TMEM132D: variants seen among roughly 807,000 people sequenced by gnomAD.
TMEM132D encodes the protein mature OL transmembrane protein.
A neutral mutation model predicts 62.3 loss-of-function variants in TMEM132D; 21 were observed. The ratio of observed to expected loss-of-function variants is 0.34; its 90% CI spans 0.24 to 0.49. The LOEUF (loss-of-function observed/expected upper bound fraction) is 0.49. TMEM132D is among the 20% of genes least tolerant of loss of function. TMEM132D has a pLI of 0.99. For synonymous variants in TMEM132D, 621 were observed against 575.6 expected, an observed-to-expected ratio of 1.08 and a Z score of -1.13; for missense variants, 1,346 against 1,402.8, an observed-to-expected ratio of 0.96 and a Z score of 0.65.
chr12:129,535,771 TGTGTGCGTG>T (rs757648292), intron 2 of TMEM132D, among the ~76,000 whole-genome samples: 18,611 of 66,820 alleles, frequency 0.28, 1,474 homozygotes, highest in Admixed American at 0.45. Context: ...ATTTAAGATT[TGTGTGCGTG>T]TGTGTGTGTG....
chr12:129,498,363 C>A (rs935168535), intron 3 of TMEM132D, among the ~76,000 whole-genome samples: 1 of 152,102 alleles, frequency 6.6e-6, no homozygotes, highest in African/African-American at 2.4e-5. Context: ...AAGGGATTTT[C>A]CTGCCTCAGC....
chr12:129,487,212 G>C (rs547964990), intron 3 of TMEM132D, among the ~76,000 whole-genome samples: 1 of 152,124 alleles, frequency 6.6e-6, no homozygotes, highest in Admixed American at 6.5e-5. Context: ...GAGACAAGGC[G>C]TGAAACTGTA....
At chr12:129,760,017 G>A (rs548274479) in intron 1 of TMEM132D, among the ~76,000 whole-genome samples, 1 of 151,866 alleles carries the variant, frequency 6.6e-6, no homozygotes. Context: ...GCAATCCTCT[G>A]CCTCAGCCTC....
At chr12:129,825,706 G>T (rs1043276374) in intron 1 of TMEM132D, among the ~76,000 whole-genome samples, 1 of 152,106 alleles carries the variant, frequency 6.6e-6, no homozygotes, top group Non-Finnish European at 1.5e-5. Flanking sequence ...CTGTGCCCTC[G>T]GGACGCCCAC....
intron 1 of TMEM132D, among the ~76,000 whole-genome samples, chr12:129,730,117 G>T (rs1245086264): frequency 2.6e-5 from 4 of 152,142 alleles, no homozygotes; most frequent in Admixed American, 2.0e-4. Context: ...AGCCTGTTCA[G>T]CTGGTCTCTT....
At chr12:129,817,759 G>T (rs1361812140) in intron 1 of TMEM132D, among the ~76,000 whole-genome samples, 1 of 136,662 alleles carries the variant, frequency 7.3e-6, no homozygotes, top group Non-Finnish European at 1.6e-5. Flanking sequence ...TGTGGGGTAT[G>T]TGTGTCTGTG....
intron 4 of TMEM132D, 56 bp downstream of exon 4, chr12:129,337,578 G>C (rs1421325294): frequency 2.5e-6 from 4 of 1,600,734 alleles, no homozygotes; most frequent in Non-Finnish European, 2.6e-6. Context: ...GTGCGGCGCC[G>C]GCGCCTTCCC....
intron 2 of TMEM132D, among the ~76,000 whole-genome samples, chr12:129,624,013 G>A (rs1186036825): frequency 1.3e-5 from 2 of 152,108 alleles, no homozygotes; most frequent in Non-Finnish European, 2.9e-5. Context: ...ACAGCACAAT[G>A]TCATGCCTAT....
intron 3 of TMEM132D, among the ~76,000 whole-genome samples, chr12:129,420,348 G>A (rs1872277504): frequency 1.8e-5 from 2 of 109,148 alleles, no homozygotes; most frequent in South Asian, 3.3e-4. Context: ...CTGGGCCACT[G>A]CCATTTGTAA....
chr12:129,892,523 T>C (rs1018299821), intron 1 of TMEM132D, among the ~76,000 whole-genome samples: 4 of 152,162 alleles, frequency 2.6e-5, no homozygotes, highest in African/African-American at 9.6e-5. Flanking sequence ...TCCCTTCTCC[T>C]CCCTCTCCTC....
rs58746618 is a variant in TMEM132D at position 129,371,021 on chromosome 12, T to C, written c.1116-33204A>G. On this transcript the variant is annotated intron_variant, in intron 3 of 8. Transcript: ENST00000422113. The surrounding 1 kb of genome is among the most constrained non-coding windows in gnomAD (Gnocchi z 4.3). Reference sequence around the variant, plus strand: ...ATTATATGTTACAAAAAAATAGCCATAGGAGAAGAATTGTAACATTCTCAA... The same window carrying C: ...ATTATATGTTACAAAAAAATAGCCACAGGAGAAGAATTGTAACATTCTCAA... Among the ~76,000 whole-genome samples the C allele has an allele frequency of 0.048, 7,345 of 152,210 alleles. 591 individuals carry two copies. Among genetic ancestry groups the C allele is most frequent in the East Asian group, 0.37 (1,935 of 5,168 alleles).
intron 8 of TMEM132D, among the ~76,000 whole-genome samples, chr12:129,077,983 C>CAAAT (rs1248690192): frequency 6.6e-6 from 1 of 152,188 alleles, no homozygotes; most frequent in Non-Finnish European, 1.5e-5. Flanking sequence ...ACACTGGTTC[C>CAAAT]AAATAAAGTA....
chr12:129,519,722 C>T (rs545886197), intron 3 of TMEM132D, among the ~76,000 whole-genome samples: 1 of 151,912 alleles, frequency 6.6e-6, no homozygotes, highest in Non-Finnish European at 1.5e-5. Flanking sequence ...AATTCTCCTG[C>T]CTCAGCCTCC....
chr12:129,334,287 G>A lies in TMEM132D; in HGVS notation c.1299+3347C>T, dbSNP rs141246797. Among the ~76,000 whole-genome samples, 496 of 148,570 alleles carry A rather than the reference G, an allele frequency of 3.3e-3. 3 individuals are homozygous for A. The highest frequency in any genetic ancestry group is 3.8e-3 in the Non-Finnish European group (260 of 67,976). The stretch of plus-strand genomic sequence containing the variant: ...TCCTGCAACTCCATCAACACGGAAT[G>A]TTAAAATTTAGAAAATAGCTGCAAT... On this transcript the variant is annotated intron_variant, in intron 4 of 8. Coordinates refer to ENST00000422113, the MANE Select transcript of TMEM132D (RefSeq NM_133448.3).
intron 4 of TMEM132D, among the ~76,000 whole-genome samples, chr12:129,253,504 A>C (rs1032228057): frequency 6.6e-6 from 1 of 152,236 alleles, no homozygotes; most frequent in Middle Eastern, 3.2e-3. Flanking sequence ...AAAAGTAATT[A>C]AGTTGAGTTA....
chr12:129,091,152 C>A (rs1874896796), intron 5 of TMEM132D, among the ~76,000 whole-genome samples: 1 of 152,194 alleles, frequency 6.6e-6, no homozygotes, highest in African/African-American at 2.4e-5. Context: ...TCTCTGAAGA[C>A]CTTACTTATG....
At chr12:129,837,178 A>G (rs1566003112) in intron 1 of TMEM132D, among the ~76,000 whole-genome samples, 2 of 152,146 alleles carry the variant, frequency 1.3e-5, no homozygotes, top group African/African-American at 4.8e-5. Context: ...TCTAGTAATT[A>G]TTTTTTTATA....
rs565429419 is a variant in TMEM132D at position 129,669,597 on chromosome 12, C to T, written c.968+30213G>A. The stretch of plus-strand genomic sequence containing the variant: ...GCTCGTGCCTGTAGTCGCAGCTACT[C>T]GGGAGGATGAGGCAGGAGAATCACT... On this transcript the variant is annotated intron_variant, in intron 2 of 8. Coordinates refer to ENST00000422113, the MANE Select transcript of TMEM132D (RefSeq NM_133448.3). Among the ~76,000 whole-genome samples the T allele has an allele frequency of 1.1e-3, 166 of 152,008 alleles. 3 individuals are homozygous for T. In the South Asian group the frequency reaches 0.013, roughly 12 times the overall value.
At chr12:129,295,515 C>T (rs2135622893) in intron 4 of TMEM132D, among the ~76,000 whole-genome samples, 2 of 150,828 alleles carry the variant, frequency 1.3e-5, no homozygotes, top group Middle Eastern at 3.4e-3. Flanking sequence ...ACTGCAACCT[C>T]CACCTCCCGG....
Sources: gnomAD v4.1 joint callset for allele counts (sites outside exome capture counted in the v4.1 genomes callset) on GRCh38, gnomAD v4.1.1 for gene constraint, Gnocchi (gnomAD v3.1) non-coding constraint, MANE v1.5 for transcripts, NCBI Gene and HGNC (gene_info 2026-07-23, HGNC 2026-07-21) for gene names.